Variants in NFU1 observed in about 807,000 individuals in gnomAD.
NFU1 encodes NFU1 iron-sulfur cluster scaffold, also known as NFU1 iron-sulfur cluster scaffold homolog, mitochondrial.
In NFU1, 30 loss-of-function variants were observed where a neutral mutation model predicts 32.2. That is an observed-to-expected ratio of 0.93 (90% CI 0.70 to 1.26). The LOEUF is 1.26. Ranked by LOEUF, NFU1 falls within the 50% of genes most tolerant of loss-of-function variation. The probability of loss-of-function intolerance (pLI) is 0.00; values close to 1 mark genes in which losing one functional copy is unlikely to be tolerated. For missense variants in NFU1, 306 were observed against 306.6 expected (o/e 1.00, Z 0.02); for synonymous variants, 112 against 104.6 (o/e 1.07, Z -0.43).
At chr2:69,431,574 T>C (rs1168871836) in intron 2 of NFU1, among the ~76,000 whole-genome samples, 2 of 152,242 alleles carry the variant, frequency 1.3e-5, no homozygotes, top group African/African-American at 2.4e-5. Flanking sequence ...CTCAAAGTAC[T>C]GGGATTACAG....
intron 3 of NFU1, among the ~76,000 whole-genome samples, chr2:69,423,243 AGT>A (rs772105664): frequency 0.04 from 3,483 of 87,752 alleles, 44 homozygotes; most frequent in East Asian, 0.063. Flanking sequence ...TCTCTGTGTG[AGT>A]GTGTGTGTGT....
At chr2:69,438,443 A>G (rs1673932272), upstream of NFU1, among the ~76,000 whole-genome samples, 1 of 151,942 alleles carries the variant, frequency 6.6e-6, no homozygotes, top group East Asian at 1.9e-4. Context: ...TAGTAGTAGT[A>G]TTTTTGTAGA....
In NFU1 at chr2:69,397,914, C is replaced by CA. The variant is rs56659765; in HGVS notation, c.721-1625dup. Among the ~76,000 whole-genome samples, 404 of 107,234 alleles carry CA rather than the reference C, an allele frequency of 3.8e-3. 5 individuals carry two copies. Among genetic ancestry groups the CA allele is most frequent in the Middle Eastern group, 9.1e-3 (2 of 220 alleles). 70.3% of individuals were successfully genotyped at this position (107,234 alleles called of 152,430 possible). ...GGGCAACAAGAGTGAAACTACGTCT[C>CA]AAAAAAAAAAAAAAAAAAAATCCAG... On this transcript the variant is annotated intron_variant, in intron 7 of 7. Coordinates refer to ENST00000410022, the MANE Select transcript of NFU1 (RefSeq NM_001002755.4).
At chr2:69,414,795 T>C (rs1672999956) in intron 5 of NFU1, among the ~76,000 whole-genome samples, 1 of 152,064 alleles carries the variant, frequency 6.6e-6, no homozygotes, top group South Asian at 2.1e-4. Flanking sequence ...TTTCTTTTTT[T>C]TACTTTATGC....
chr2:69,436,716 G>A (rs1289140822), intron 1 of NFU1, among the ~76,000 whole-genome samples: 1 of 152,132 alleles, frequency 6.6e-6, no homozygotes, highest in Non-Finnish European at 1.5e-5. Context: ...TAAAATTAAG[G>A]TACACCTACA....
intron 4 of NFU1, among the ~76,000 whole-genome samples, chr2:69,418,312 A>G (rs1673123821): frequency 6.6e-6 from 1 of 152,170 alleles, no homozygotes; most frequent in African/African-American, 2.4e-5. Context: ...AGGTGAGATG[A>G]CTGCTTAAGC....
At chr2:69,397,304 A>C (rs1672371125) in intron 7 of NFU1, among the ~76,000 whole-genome samples, 1 of 152,224 alleles carries the variant, frequency 6.6e-6, no homozygotes, top group Non-Finnish European at 1.5e-5. Context: ...AGTCTTACTG[A>C]GATAAAAGAT....
At chr2:69,436,388 TA>T (rs760929214) in intron 1 of NFU1, among the ~76,000 whole-genome samples, 2 of 152,210 alleles carry the variant, frequency 1.3e-5, no homozygotes, top group Non-Finnish European at 2.9e-5. Context: ...GCTCAGTATC[TA>T]AATCTGTGAA....
At chr2:69,399,813 A>G (rs1303262569) in intron 7 of NFU1, among the ~76,000 whole-genome samples, 2 of 152,156 alleles carry the variant, frequency 1.3e-5, no homozygotes, top group African/African-American at 2.4e-5. Context: ...CTGTGTCATT[A>G]GAAGATGAAA....
intron 6 of NFU1, among the ~76,000 whole-genome samples, chr2:69,402,834 C>T (rs1672566763): frequency 1.3e-5 from 2 of 151,884 alleles, no homozygotes; most frequent in South Asian, 2.1e-4. Context: ...CCATTCACCT[C>T]GGCCTCTCAA....
At chr2:69,397,228 T>C (rs1378669553) in intron 7 of NFU1, among the ~76,000 whole-genome samples, 3 of 152,016 alleles carry the variant, frequency 2.0e-5, no homozygotes, top group Non-Finnish European at 4.4e-5. Flanking sequence ...TTAAAATGAA[T>C]CCCCAAGGAA....
intron 5 of NFU1, among the ~76,000 whole-genome samples, chr2:69,406,420 G>C (rs954614344): frequency 1.1e-5 from 1 of 89,384 alleles, no homozygotes; most frequent in Non-Finnish European, 2.1e-5. Context: ...AAGTATCAGA[G>C]AAAAGAAACT....
intron 1 of NFU1, among the ~76,000 whole-genome samples, chr2:69,432,587 A>G (rs1172702054): frequency 6.6e-6 from 1 of 152,044 alleles, no homozygotes; most frequent in Admixed American, 6.6e-5. Flanking sequence ...AAAAAAAAAG[A>G]AACAGAATTG....
intron 7 of NFU1, among the ~76,000 whole-genome samples, chr2:69,398,408 G>C (rs887588586): frequency 9.2e-5 from 14 of 152,206 alleles, no homozygotes; most frequent in Non-Finnish European, 1.5e-5. Flanking sequence ...GGAGGCTAAA[G>C]CAACTCCATC....
intron 1 of NFU1, among the ~76,000 whole-genome samples, chr2:69,435,646 G>C (rs368149403): frequency 3.9e-4 from 60 of 152,272 alleles, no homozygotes; most frequent in African/African-American, 1.4e-3. Context: ...GGATTCAAGA[G>C]AACAATGGAA....
At chr2:69,397,543 A>T (rs2104727292) in intron 7 of NFU1, among the ~76,000 whole-genome samples, 1 of 152,236 alleles carries the variant, frequency 6.6e-6, no homozygotes, top group African/African-American at 2.4e-5. Flanking sequence ...TCCTCAGTCA[A>T]TCCACCAAAG....
chr2:69,410,620 C>T (rs1672848022), intron 5 of NFU1, among the ~76,000 whole-genome samples: 1 of 152,262 alleles, frequency 6.6e-6, no homozygotes, highest in South Asian at 2.1e-4. Flanking sequence ...TTGTAAAGTG[C>T]TTAGAATTGT....
In NFU1 at chr2:69,411,599, AT is replaced by A. The variant is rs892993774; in HGVS notation, c.484+3585del. Among the ~76,000 whole-genome samples, 340 of 151,424 alleles carry A rather than the reference AT, an allele frequency of 2.2e-3. 2 individuals carry two copies. The highest frequency in any genetic ancestry group is 7.7e-3 in the African/African-American group (319 of 41,298). ...ATATACAGAGAGAATGAGACTTTTT[AT>A]TTTTTTTTAAGAGATGTGGTCTAGT... On this transcript the variant is annotated intron_variant, in intron 5 of 7. Transcript: ENST00000410022.
Position 69,437,397 on chromosome 2 carries a change from C to A in NFU1, c.26G>T (p.Trp9Leu). Residue 9 changes from tryptophan (W) to leucine (L), a missense_variant, in exon 1 of 8, where the codon TGG (tryptophan) becomes TTG (leucine). Physicochemically the swap from Trp to Leu is moderately conservative, Grantham distance 61. Coordinates refer to ENST00000410022, the MANE Select transcript of NFU1 (RefSeq NM_001002755.4). MAATARRGWGAAAVAAGLR... is the reference protein window; with the variant it reads MAATARRGLGAAAVAAGLR... ...CCCGGCGGCAACAGCCGCAGCTCCC[C>A]AGCCCCGCCTGGCCGTCGCCGCCAT... is the stretch of plus-strand genomic sequence containing the variant. The A allele has an allele frequency of 6.2e-7, 1 of 1,610,484 alleles. No homozygotes were observed. Among genetic ancestry groups the A allele is most frequent in the African/African-American group, 1.3e-5 (1 of 75,056 alleles).
Sources: gnomAD v4.1 joint callset for allele counts (sites outside exome capture counted in the v4.1 genomes callset) on GRCh38, gnomAD v4.1.1 for gene constraint, MANE v1.5 for transcripts, NCBI Gene and HGNC (gene_info 2026-07-23, HGNC 2026-07-21) for gene names.